Variants in FRMD4B observed in about 807,000 individuals in gnomAD.
FRMD4B encodes FERM domain-containing protein 4B.
Under a neutral mutation model 141.5 loss-of-function variants are expected in FRMD4B, and 74 were observed. The ratio of observed to expected loss-of-function variants is 0.52; its 90% CI spans 0.43 to 0.63. The LOEUF (loss-of-function observed/expected upper bound fraction) is 0.63. Among genes scored for constraint, FRMD4B ranks in the 30% least tolerant of loss-of-function variants. The pLI is 0.00. For synonymous variants in FRMD4B, 506 were observed against 467.9 expected (o/e 1.08, Z -1.05); for missense variants, 1,366 against 1,253.4 (o/e 1.09, Z -1.36).
chr3:69,248,430 A>AAG (rs2093439751), intron 7 of FRMD4B, among the ~76,000 whole-genome samples: 1 of 152,200 alleles, frequency 6.6e-6, no homozygotes, highest in Non-Finnish European at 1.5e-5. Context: ...GGAAGTTTTC[A>AAG]AGGTTGGAAG....
chr3:69,494,888 G>A (rs972480001), intron 1 of FRMD4B, among the ~76,000 whole-genome samples: 8 of 148,018 alleles, frequency 5.4e-5, no homozygotes, highest in African/African-American at 1.5e-4. Flanking sequence ...GTGAAACTCC[G>A]TCCAAAAAAA....
At chr3:69,515,490 G>A (rs1433515158) in intron 1 of FRMD4B, among the ~76,000 whole-genome samples, 1 of 152,074 alleles carries the variant, frequency 6.6e-6, no homozygotes, top group African/African-American at 2.4e-5. Flanking sequence ...TCTTTCATTT[G>A]TATCAGTATG....
At chr3:69,469,269 A>G (rs747047881) in intron 1 of FRMD4B, among the ~76,000 whole-genome samples, 1 of 152,194 alleles carries the variant, frequency 6.6e-6, no homozygotes, top group Non-Finnish European at 1.5e-5. Context: ...ATCAGAATGC[A>G]GTATAGGAAG....
chr3:69,467,630 A>C (rs1357730150), intron 1 of FRMD4B, among the ~76,000 whole-genome samples: 1 of 152,210 alleles, frequency 6.6e-6, no homozygotes, highest in African/African-American at 2.4e-5. Flanking sequence ...TTAATAAAAG[A>C]ATGTGCCTAG....
chr3:69,270,495 G>A (rs920903396), intron 5 of FRMD4B, among the ~76,000 whole-genome samples: 3 of 152,080 alleles, frequency 2.0e-5, no homozygotes, highest in African/African-American at 7.2e-5. Flanking sequence ...AAGTTTCTTT[G>A]CCATATTTCT....
intron 1 of FRMD4B, among the ~76,000 whole-genome samples, chr3:69,473,271 G>A (rs1321326047): frequency 1.3e-5 from 2 of 152,078 alleles, no homozygotes; most frequent in South Asian, 2.1e-4. Context: ...TGACAAGGGT[G>A]AGGTCAGGTG....
intron 1 of FRMD4B, among the ~76,000 whole-genome samples, chr3:69,541,797 C>G (rs951376032): frequency 2.0e-5 from 3 of 151,638 alleles, no homozygotes; most frequent in Non-Finnish European, 4.4e-5. Context: ...TTTCCCCCCC[C>G]TCTTTTCGCT....
intron 7 of FRMD4B, among the ~76,000 whole-genome samples, chr3:69,230,267 C>T (rs1235553344): frequency 3.9e-5 from 6 of 152,110 alleles, no homozygotes; most frequent in African/African-American, 1.4e-4. Flanking sequence ...TGAGCCACCT[C>T]GTCCGGCGAC....
intron 19 of FRMD4B, among the ~76,000 whole-genome samples, chr3:69,186,157 T>C (rs1360769727): frequency 6.6e-6 from 1 of 152,032 alleles, no homozygotes. Flanking sequence ...GCCACAACGA[T>C]AGTGAATATA....
chr3:69,361,980 T>C (rs1346440735), intron 1 of FRMD4B, among the ~76,000 whole-genome samples: 1 of 152,226 alleles, frequency 6.6e-6, no homozygotes, highest in Non-Finnish European at 1.5e-5. Context: ...ATGAGAGATC[T>C]GGTTATCCCA....
At chr3:69,438,335 G>A (rs550391927) in intron 1 of FRMD4B, among the ~76,000 whole-genome samples, 86 of 152,026 alleles carry the variant, frequency 5.7e-4, no homozygotes, top group Non-Finnish European at 1.1e-3. Flanking sequence ...TGAACTCTCG[G>A]TTTCAAATGA....
At chr3:69,449,869 A>G (rs919850516) in intron 1 of FRMD4B, among the ~76,000 whole-genome samples, 3 of 152,144 alleles carry the variant, frequency 2.0e-5, no homozygotes, top group African/African-American at 4.8e-5. Flanking sequence ...TAAGACAATC[A>G]CTCAAACTTT....
At chr3:69,240,922 CTTTCTA>C (rs1317383304) in intron 7 of FRMD4B, among the ~76,000 whole-genome samples, 1 of 152,220 alleles carries the variant, frequency 6.6e-6, no homozygotes. Context: ...TGTCATGCTA[CTTTCTA>C]TTCCTACCGA....
chr3:69,207,692 CAGCT>C (rs1343426012), intron 11 of FRMD4B, among the ~76,000 whole-genome samples: 1 of 152,010 alleles, frequency 6.6e-6, no homozygotes, highest in Non-Finnish European at 1.5e-5. Flanking sequence ...CCTATACTCC[CAGCT>C]ACTCGGGAGG....
At chr3:69,249,954 G>A (rs907904536) in intron 6 of FRMD4B, 89 bp downstream of exon 6, 6 of 836,222 alleles carry the variant, frequency 7.2e-6, no homozygotes, top group Non-Finnish European at 8.3e-6. Flanking sequence ...AACAAACACT[G>A]GCCCATGCAA....
chr3:69,380,343 C>T (rs1704083078), intron 1 of FRMD4B, among the ~76,000 whole-genome samples: 1 of 152,082 alleles, frequency 6.6e-6, no homozygotes, highest in Admixed American at 6.5e-5. Flanking sequence ...CTCACCAAGT[C>T]CAGGTGAGAC....
intron 1 of FRMD4B, among the ~76,000 whole-genome samples, chr3:69,319,010 G>A (rs991093406): frequency 3.3e-5 from 5 of 152,144 alleles, no homozygotes; most frequent in Admixed American, 6.5e-5. Flanking sequence ...TGGTGCCAGC[G>A]AAGAGACACA....
At chr3:69,283,970 C>A (rs945426279) in intron 5 of FRMD4B, among the ~76,000 whole-genome samples, 50 of 137,764 alleles carry the variant, frequency 3.6e-4, no homozygotes, top group Non-Finnish European at 4.4e-4. Context: ...CAAAACAAAA[C>A]AAAACAAAAA....
chr3:69,493,407 C>G (rs9866465), intron 1 of FRMD4B, among the ~76,000 whole-genome samples: 33,197 of 152,110 alleles, frequency 0.22, 3,798 homozygotes, highest in African/African-American at 0.27. Flanking sequence ...GGAAAACCAT[C>G]TCCTGCCTTA....
Sources: gnomAD v4.1 joint callset for allele counts (sites outside exome capture counted in the v4.1 genomes callset) on GRCh38, gnomAD v4.1.1 for gene constraint, MANE v1.5 for transcripts, NCBI Gene and HGNC (gene_info 2026-07-23, HGNC 2026-07-21) for gene names.